TRPM4: variants seen among roughly 807,000 people sequenced by gnomAD.
TRPM4 encodes transient receptor potential cation channel subfamily M member 4, also known as calcium-activated non-selective cation channel 1.
A neutral mutation model predicts 135.6 loss-of-function variants in TRPM4; 124 were observed. The ratio of observed to expected loss-of-function variants is 0.91; its 90% CI spans 0.79 to 1.06. The LOEUF (loss-of-function observed/expected upper bound fraction) is 1.06, where lower values mean the gene tolerates loss of function less well. Ranked by LOEUF, TRPM4 falls within the 50% of genes least tolerant of loss-of-function variation. The probability of loss-of-function intolerance (pLI) is 0.00; values close to 1 mark genes in which losing one functional copy is unlikely to be tolerated. For missense variants in TRPM4, 1,658 were observed against 1,671.4 expected, an observed-to-expected ratio of 0.99 and a Z score of 0.14; for synonymous variants, 745 against 705.6, an observed-to-expected ratio of 1.06 and a Z score of -0.88.
At position 49,211,782 on chromosome 19, in the gene TRPM4, C is replaced by A. The variant is rs1969380904; in HGVS notation, c.*284C>A. ...TCCTTGGGGTAACAGGGACCACAGA[C>A]CCCTCACCACTCACAGATTCCTCAC... On this transcript the variant is annotated 3_prime_UTR_variant, in exon 25 of 25. Coordinates refer to ENST00000252826, the MANE Select transcript of TRPM4 (RefSeq NM_017636.4). The surrounding 1 kb of genome is among the most constrained non-coding windows in gnomAD (Gnocchi z 4.8). 20 of 557,422 alleles carry A rather than the reference C, an allele frequency of 3.6e-5. No individual in the cohort carries two copies. The East Asian group carries it at 6.0e-4, about 17-fold the overall frequency. 34.5% of individuals were successfully genotyped at this position (557,422 alleles called of 1,614,324 possible).
chr19:49,160,497 A>AG (rs1489303636), intron 2 of TRPM4, among the ~76,000 whole-genome samples: 37 of 151,522 alleles, frequency 2.4e-4, no homozygotes, highest in African/African-American at 4.9e-4. Flanking sequence ...AAAAAAAAAA[A>AG]AAAGAAAGAA....
At chr19:49,162,710 G>A (rs1292369935) in intron 2 of TRPM4, among the ~76,000 whole-genome samples, 1 of 152,142 alleles carries the variant, frequency 6.6e-6, no homozygotes, top group Non-Finnish European at 1.5e-5. Context: ...CAATATGGCA[G>A]TCCTGGCCAC....
At chr19:49,174,245 C>T (rs887448169) in intron 9 of TRPM4, among the ~76,000 whole-genome samples, 4 of 151,996 alleles carry the variant, frequency 2.6e-5, no homozygotes, top group East Asian at 2.0e-4. Context: ...CTCCGCCTCC[C>T]GGGTTCAAGC....
intron 3 of TRPM4, chr19:49,167,706 CCA>C: frequency 1.9e-6 from 1 of 527,900 alleles, no homozygotes; most frequent in East Asian, 3.0e-5. Flanking sequence ...GTCTCTGTCC[CCA>C]TCTCTCTGGG....
Position 49,188,744 on chromosome 19 carries a change from C to G in TRPM4, c.1847C>G (p.Ala616Gly), listed in dbSNP as rs1306872839. The stretch of plus-strand genomic sequence containing the variant: ...GAGGCAGCACGGAGGAAAGACCTGG[C>G]GTTCAAGTTTGAGGGGATGGGCGTT... Reference protein sequence around the residue: ...AEEAARRKDLAFKFEGMGVDL... With the variant: ...AEEAARRKDLGFKFEGMGVDL... Residue 616 changes from alanine (A) to glycine (G), a missense_variant, in exon 13 of 25, where the codon GCG (alanine) becomes GGG (glycine). This residue lies in a region of TRPM4 where 1,412 missense variants were observed against 1,408.7 expected (regional missense o/e 1.00). Coordinates refer to ENST00000252826, the MANE Select transcript of TRPM4 (RefSeq NM_017636.4). 1.2e-6 allele frequency: 2 copies of G among 1,614,200 alleles called. No individual in the cohort carries two copies. Among genetic ancestry groups the G allele is most frequent in the Non-Finnish European group, 8.5e-7 (1 of 1,180,030 alleles).
At chr19:49,161,538 G>A (rs1466016229) in intron 2 of TRPM4, among the ~76,000 whole-genome samples, 1 of 151,320 alleles carries the variant, frequency 6.6e-6, no homozygotes, top group Non-Finnish European at 1.5e-5. Flanking sequence ...ACCAGACCAG[G>A]CTGGTATCCA....
rs191009947 is a variant in TRPM4, at chr19:49,196,942, G to A, written c.2645+68G>A. ...CTCATCCTTCCTGCCCACTCCCGGGGTCTCCACTCCCGGCTTCCCCGCAGC... is the reference window on the plus strand; with the variant it reads ...CTCATCCTTCCTGCCCACTCCCGGGATCTCCACTCCCGGCTTCCCCGCAGC... On this transcript the variant is annotated intron_variant, in intron 17 of 24. Coordinates refer to ENST00000252826, the MANE Select transcript of TRPM4 (RefSeq NM_017636.4). 241 of 1,455,504 alleles carry A rather than the reference G, an allele frequency of 1.7e-4. No homozygotes were observed. In the African/African-American group the frequency reaches 2.9e-3, roughly 17 times the overall value. The allele number at this position is 1,455,504 out of a possible 1,614,324, so 90.2% of individuals were successfully genotyped here. A position where few individuals can be genotyped will look rare whatever the true frequency, so the allele number is the denominator to read the frequency against.
At position 49,168,053 on chromosome 19, in the gene TRPM4, A is replaced by G; in HGVS notation, c.404A>G (p.Gln135Arg). ...GGCCCCGTCCTCCAGACCTGGCTGC[A>G]GGACCTGCTGCGTCGTGGGCTGGTG... The part of the protein sequence containing the change: ...SGGPVLQTWL[Q>R]DLLRRGLVRA... Residue 135 changes from glutamine to arginine, a missense_variant, in exon 4 of 25, where the codon CAG (glutamine) becomes CGG (arginine). Around this residue, in one of 3 missense-constraint regions of TRPM4, gnomAD observed 239 missense variants for 240.1 expected, o/e 1.00. Coordinates refer to ENST00000252826, the MANE Select transcript of TRPM4 (RefSeq NM_017636.4). 6.2e-7 allele frequency: 1 copy of G among 1,611,886 alleles called. No individual in the cohort carries two copies. Among genetic ancestry groups the G allele is most frequent in the Non-Finnish European group, 8.5e-7 (1 of 1,179,838 alleles).
At chr19:49,164,863 T>G (rs1967114118) in intron 2 of TRPM4, among the ~76,000 whole-genome samples, 1 of 152,060 alleles carries the variant, frequency 6.6e-6, no homozygotes, top group East Asian at 1.9e-4. Context: ...CTCAGCCTCC[T>G]AAGCACATGC....
At position 49,196,870 on chromosome 19, in the gene TRPM4, T is replaced by G; in HGVS notation, c.2641T>G (p.Cys881Gly). ...CACCTGCTTCCTCCTGGGCGTGGGC[T>G]GCCGGTGAGTGCCCCGGGGCCTTGG... ...ALTCFLLGVG[C>G]RLTPGLYHLG... The change falls in exon 17 of 25, where the codon TGC (cysteine) becomes GGC (glycine). Residue 881 changes from cysteine (C) to glycine (G), a missense_variant. Cys to Gly is a radical substitution (Grantham distance 159). Coordinates refer to ENST00000252826, the MANE Select transcript of TRPM4 (RefSeq NM_017636.4). 1 of 1,578,482 alleles carries G rather than the reference T, an allele frequency of 6.3e-7. No homozygotes were observed. The highest frequency in any genetic ancestry group is 8.5e-7 in the Non-Finnish European group (1 of 1,171,110).
chr19:49,174,704 A>T (rs889139806), intron 9 of TRPM4, among the ~76,000 whole-genome samples: 2 of 150,274 alleles, frequency 1.3e-5, no homozygotes, highest in African/African-American at 4.9e-5. Context: ...AGATTGTGCC[A>T]CTGCACTCCA....
At position 49,196,718 on chromosome 19, in the gene TRPM4, G is replaced by T; in HGVS notation, c.2489G>T (p.Arg830Leu). The stretch of plus-strand genomic sequence containing the variant: ...TTCACGCTGCTGTGCGAGGAACTGC[G>T]CCAGGGCCTGAGCGGAGGCGGGGGC... ...WAFTLLCEEL[R>L]QGLSGGGGSL... The change falls in exon 17 of 25, where the codon CGC becomes CTC. Residue 830 changes from arginine to leucine, a missense_variant. Physicochemically the swap from Arg to Leu is moderately radical, Grantham distance 102. Transcript: ENST00000252826. 1 of 1,552,756 alleles carries T rather than the reference G, an allele frequency of 6.4e-7. No homozygotes were observed. Among genetic ancestry groups the T allele is most frequent in the Non-Finnish European group, 8.7e-7 (1 of 1,155,548 alleles).
chr19:49,166,147 A>G lies in TRPM4; in HGVS notation c.199A>G (p.Thr67Ala). The G allele has an allele frequency of 6.2e-7, 1 of 1,608,340 alleles. No individual in the cohort carries two copies. The highest frequency in any genetic ancestry group is 8.5e-7 in the Non-Finnish European group (1 of 1,178,264). ...GACCGTGTGGGACAGCGATGCACAC[A>G]CCACGGAGAAGCCCACCGATGCCTA... ...VVTVWDSDAH[T>A]TEKPTDAYGE... Residue 67 changes from threonine to alanine, a missense_variant, in exon 3 of 25, where the codon ACC becomes GCC. This residue lies in a region of TRPM4 where 239 missense variants were observed against 240.1 expected (regional missense o/e 1.00). Coordinates refer to ENST00000252826, the MANE Select transcript of TRPM4 (RefSeq NM_017636.4).
chr19:49,184,899 A>G (rs776010965), intron 12 of TRPM4, among the ~76,000 whole-genome samples: 2 of 151,604 alleles, frequency 1.3e-5, no homozygotes, highest in African/African-American at 2.4e-5. Flanking sequence ...CTCAAGACCT[A>G]TATACAGATA....
chr19:49,210,906 A>C lies in TRPM4; in HGVS notation c.3461+64A>C, dbSNP rs1969337237. 16 of 1,333,822 alleles carry C rather than the reference A, an allele frequency of 1.2e-5. No homozygotes were observed. In the South Asian group the frequency reaches 1.8e-4, roughly 15 times the overall value. The allele number at this position is 1,333,822 out of a possible 1,614,324, so 82.6% of individuals were successfully genotyped here. The stretch of plus-strand genomic sequence containing the variant: ...TGGGGCGGATCCTGACTTCAGCTGA[A>C]GGCAGGGTCCTGGGAGGGAGGGAGA... On this transcript the variant is annotated intron_variant, in intron 22 of 24. Transcript: ENST00000252826. The surrounding 1 kb of genome is among the most constrained non-coding windows in gnomAD (Gnocchi z 4.1).
chr19:49,202,234 A>G (rs1968965554), intron 20 of TRPM4, 93 bp downstream of exon 20: 2 of 1,445,116 alleles, frequency 1.4e-6, no homozygotes, highest in Non-Finnish European at 1.9e-6. Context: ...TTCTGTTTTT[A>G]GTCCCTGAAC....
intron 2 of TRPM4, 40 bp downstream of exon 2, chr19:49,158,299 G>C (rs764345034): frequency 1.3e-6 from 2 of 1,596,174 alleles, no homozygotes; most frequent in South Asian, 1.1e-5. Context: ...GAGGGTCCGC[G>C]GCCCGCTGAC....
chr19:49,197,854 T>A (rs1355384182), intron 17 of TRPM4, among the ~76,000 whole-genome samples: 1 of 151,182 alleles, frequency 6.6e-6, no homozygotes, highest in Non-Finnish European at 1.5e-5. Context: ...AGCTAAATTT[T>A]TTTTGTATTT....
rs1361361592 is a variant in TRPM4 at position 49,183,110 on chromosome 19, G to C, written c.1641G>C (p.Pro547=). 1.2e-6 allele frequency: 2 copies of C among 1,613,292 alleles called. No individual in the cohort carries two copies. The highest frequency in any genetic ancestry group is 1.7e-6 in the Non-Finnish European group (2 of 1,180,028). ...TGCTCTCGGACAAGGCCACCTCGCC[G>C]CTCTCGCTGGATGCTGGCCTCGGGC... ...MYLLSDKATS[P]LSLDAGLGQA... Residue 547 remains proline, a synonymous_variant, in exon 12 of 25, where the codon CCG becomes CCC. Transcript: ENST00000252826.
Sources: allele counts gnomAD v4.1 joint callset (sites outside exome capture counted in the v4.1 genomes callset), GRCh38; gene constraint gnomAD v4.1.1; regional missense constraint gnomAD v4.1.1; non-coding constraint Gnocchi (gnomAD v3.1); transcripts MANE v1.5; gene names NCBI Gene and HGNC (gene_info 2026-07-23, HGNC 2026-07-21).